Variants in AP3D1 observed in about 807,000 individuals in gnomAD.
The protein encoded by AP3D1 is AP-3 complex subunit delta-1.
A neutral mutation model predicts 147.6 loss-of-function variants in AP3D1; 51 were observed. The observed-to-expected ratio is 0.35, with a 90% CI of 0.28 to 0.44. The LOEUF (loss-of-function observed/expected upper bound fraction) is 0.44, where lower values mean the gene tolerates loss of function less well. Among genes scored for constraint, AP3D1 ranks in the 20% least tolerant of loss-of-function variants. The probability of loss-of-function intolerance (pLI) is 1.00; values close to 1 mark genes in which losing one functional copy is unlikely to be tolerated. For missense variants in AP3D1, 1,421 were observed against 1,624.2 expected (o/e 0.87, Z 2.15); for synonymous variants, 760 against 663.0 (o/e 1.15, Z -2.25).
intron 10 of AP3D1, 52 bp from the exon 11 acceptor site, chr19:2,123,458 G>C (rs1460859114): frequency 1.3e-6 from 2 of 1,586,302 alleles, no homozygotes; most frequent in Non-Finnish European, 8.6e-7. Flanking sequence ...CCAAGGGTGA[G>C]TCCCACAGGT....
chr19:2,111,491 C>T, intron 25 of AP3D1, 159 bp from the exon 26 acceptor site: 4 of 1,200,248 alleles, frequency 3.3e-6, no homozygotes, highest in Non-Finnish European at 4.7e-6. Context: ...GCTCCCAGGA[C>T]CACACAGCCC....
At chr19:2,122,528 GGCGGGCGGTACTGAGACCC>G (rs2018639430) in intron 11 of AP3D1, among the ~76,000 whole-genome samples, 1 of 152,234 alleles carries the variant, frequency 6.6e-6, no homozygotes, top group African/African-American at 2.4e-5. Flanking sequence ...AGGCTGACAC[GGCGGGCGGTACTGAGACCC>G]GCGTGTGGGT....
intron 31 of AP3D1, among the ~76,000 whole-genome samples, chr19:2,102,823 C>T (rs1364480302): frequency 6.6e-6 from 1 of 151,786 alleles, no homozygotes; most frequent in Non-Finnish European, 1.5e-5. Flanking sequence ...GGCAGGACAC[C>T]TGTAATCCCA....
chr19:2,146,696 TA>T (rs2019365761), intron 1 of AP3D1, among the ~76,000 whole-genome samples: 1 of 151,916 alleles, frequency 6.6e-6, no homozygotes. Context: ...AAAGCACATT[TA>T]GAATCCACGC....
At chr19:2,144,841 T>G (rs2019315325) in intron 1 of AP3D1, among the ~76,000 whole-genome samples, 1 of 152,132 alleles carries the variant, frequency 6.6e-6, no homozygotes, top group Non-Finnish European at 1.5e-5. Context: ...AGGAAGAGGC[T>G]GCAGTGAGCC....
In AP3D1 at chr19:2,134,076, C is replaced by T. The variant is rs770219304; in HGVS notation, c.355-1498G>A. On this transcript the variant is annotated intron_variant, in intron 4 of 31. Transcript: ENST00000643116. Reference sequence around the variant, plus strand: ...TGAGCCGACATTGTACTCCAGATGGCGACAGAGTGAGACTCTGTCTCAAAA... The same window carrying T: ...TGAGCCGACATTGTACTCCAGATGGTGACAGAGTGAGACTCTGTCTCAAAA... Among the ~76,000 whole-genome samples, 14 of 151,702 alleles carry T rather than the reference C, an allele frequency of 9.2e-5. No homozygotes were observed. In the East Asian group the frequency reaches 9.7e-4, roughly 11 times the overall value.
At chr19:2,135,517 T>C (rs971938036) in intron 4 of AP3D1, among the ~76,000 whole-genome samples, 7 of 152,086 alleles carry the variant, frequency 4.6e-5, no homozygotes, top group South Asian at 2.1e-4. Flanking sequence ...GCCTGGGCAA[T>C]AGAGTGAGAC....
chr19:2,153,858 C>T (rs931601754), upstream of AP3D1, among the ~76,000 whole-genome samples: 4 of 151,968 alleles, frequency 2.6e-5, no homozygotes, highest in Non-Finnish European at 5.9e-5. Context: ...TCCCCTCGCC[C>T]GAGATAGAGT....
chr19:2,147,780 G>C (rs2019399234), intron 1 of AP3D1, among the ~76,000 whole-genome samples: 1 of 151,002 alleles, frequency 6.6e-6, no homozygotes, highest in Admixed American at 6.6e-5. Flanking sequence ...TGTTGTCCCA[G>C]CTGCTTGGGA....
At chr19:2,114,632 A>ACCCCCCCCCCCCCCGCCC in intron 21 of AP3D1, 116 bp downstream of exon 21, 1 of 432,948 alleles carries the variant, frequency 2.3e-6, no homozygotes, top group Non-Finnish European at 4.5e-6. Flanking sequence ...GCCCGCCCGC[A>ACCCCCCCCCCCCCCGCCC]CCCCACCCCA....
chr19:2,114,086 G>T (rs369136944), intron 22 of AP3D1, 39 bp downstream of exon 22: 130 of 1,537,702 alleles, frequency 8.5e-5, no homozygotes, highest in Non-Finnish European at 1.1e-4. Context: ...GGCAAGGGAG[G>T]GGAATGGAGA....
intron 1 of AP3D1, among the ~76,000 whole-genome samples, chr19:2,158,277 C>T (rs919444926): frequency 1.3e-5 from 2 of 151,762 alleles, no homozygotes; most frequent in African/African-American, 2.4e-5. Flanking sequence ...AGGATGGTCT[C>T]GATCTCCTGA....
chr19:2,137,155 T>C, intron 3 of AP3D1, 64 bp from the exon 4 acceptor site: 2 of 1,406,960 alleles, frequency 1.4e-6, no homozygotes, highest in Non-Finnish European at 2.0e-6. Context: ...GCTCCAGCTC[T>C]GCTCTGCAGC....
intron 1 of AP3D1, among the ~76,000 whole-genome samples, chr19:2,142,343 TCTCA>T (rs371404583): frequency 6.6e-6 from 1 of 151,984 alleles, no homozygotes; most frequent in Non-Finnish European, 1.5e-5. Flanking sequence ...AGAGTTGGGG[TCTCA>T]CTATGTTGCC....
chr19:2,160,190 C>A (rs1229651708), intron 1 of AP3D1, among the ~76,000 whole-genome samples: 1 of 152,142 alleles, frequency 6.6e-6, no homozygotes, highest in Non-Finnish European at 1.5e-5. Flanking sequence ...GTAACAGGAA[C>A]TATGGGAATG....
chr19:2,157,400 C>G (rs1215508422), intron 1 of AP3D1, among the ~76,000 whole-genome samples: 1 of 147,538 alleles, frequency 6.8e-6, no homozygotes, highest in Non-Finnish European at 1.5e-5. Flanking sequence ...CGAGATTGCG[C>G]CACTGCACTC....
intron 4 of AP3D1, among the ~76,000 whole-genome samples, chr19:2,134,354 G>A (rs548354301): frequency 4.0e-5 from 6 of 151,898 alleles, no homozygotes; most frequent in African/African-American, 1.2e-4. Context: ...CTAGGAGGTC[G>A]AGGCTGCAGT....
At chr19:2,119,391 T>C (rs2145059994) in intron 14 of AP3D1, among the ~76,000 whole-genome samples, 1 of 151,794 alleles carries the variant, frequency 6.6e-6, no homozygotes, top group East Asian at 1.9e-4. Context: ...ACCCCATCTC[T>C]ACTAAAAATA....
chr19:2,147,151 C>G (rs559778173), intron 1 of AP3D1, among the ~76,000 whole-genome samples: 5 of 152,110 alleles, frequency 3.3e-5, no homozygotes, highest in Non-Finnish European at 7.4e-5. Flanking sequence ...TCAAGACCAG[C>G]CTGACCAACA....
Sources: allele counts gnomAD v4.1 joint callset (sites outside exome capture counted in the v4.1 genomes callset), GRCh38; gene constraint gnomAD v4.1.1; transcripts MANE v1.5; gene names NCBI Gene and HGNC (gene_info 2026-07-23, HGNC 2026-07-21).